NKAIN3: variants seen among roughly 807,000 people sequenced by gnomAD.
NKAIN3 encodes the protein sodium/potassium transporting ATPase interacting 3.
NKAIN3 carries 25 observed loss-of-function variants against 30.2 expected under a neutral mutation model. The ratio of observed to expected loss-of-function variants is 0.83; its 90% CI spans 0.60 to 1.16. NKAIN3 has a LOEUF of 1.16. Among genes scored for constraint, NKAIN3 ranks in the 50% most tolerant of loss-of-function variants. NKAIN3 has a pLI of 0.00. For missense variants in NKAIN3, 225 were observed against 254.1 expected, an observed-to-expected ratio of 0.89 and a Z score of 0.78; for synonymous variants, 91 against 89.6, an observed-to-expected ratio of 1.02 and a Z score of -0.09.
intron 4 of NKAIN3, among the ~76,000 whole-genome samples, chr8:62,876,696 A>G (rs1820803756): frequency 6.6e-6 from 1 of 152,198 alleles, no homozygotes; most frequent in Admixed American, 6.5e-5. Flanking sequence ...CATCAGCCTC[A>G]GCAAACTAAC....
At chr8:62,736,724 G>A (rs1600538) in intron 3 of NKAIN3, among the ~76,000 whole-genome samples, 27,497 of 152,088 alleles carry the variant, frequency 0.18, 2,692 homozygotes, top group East Asian at 0.39. Context: ...TTCTGTCCAG[G>A]AAAACTTCGC....
chr8:62,524,365 CAG>C (rs1178030610), intron 1 of NKAIN3, among the ~76,000 whole-genome samples: 37 of 152,210 alleles, frequency 2.4e-4, no homozygotes, highest in African/African-American at 8.9e-4. Flanking sequence ...TTTTCCACTA[CAG>C]AGATTTATGC....
chr8:62,890,746 C>T (rs1024617219), intron 4 of NKAIN3, among the ~76,000 whole-genome samples: 2 of 152,210 alleles, frequency 1.3e-5, no homozygotes, highest in Admixed American at 6.5e-5. Context: ...GAGGTACCCT[C>T]TCTGCAGGCT....
intron 1 of NKAIN3, among the ~76,000 whole-genome samples, chr8:62,550,848 A>G (rs1228385766): frequency 6.6e-6 from 1 of 152,214 alleles, no homozygotes; most frequent in Non-Finnish European, 1.5e-5. Flanking sequence ...GGAGAATAAT[A>G]CAAATTCCTA....
intron 3 of NKAIN3, among the ~76,000 whole-genome samples, chr8:62,732,103 A>G (rs1193022901): frequency 6.6e-6 from 1 of 152,130 alleles, no homozygotes; most frequent in Non-Finnish European, 1.5e-5. Context: ...TTTAATTTAA[A>G]AAATGTTTTA....
rs567310544 is a variant in NKAIN3, at chr8:62,593,921, C to T, written c.273+4127C>T. Among the ~76,000 whole-genome samples the T allele has an allele frequency of 5.9e-5, 9 of 152,086 alleles. No homozygotes were observed. In the East Asian group the frequency reaches 1.6e-3, roughly 26 times the overall value. ...AGCAGATCTGTTAGGTGGGGATCCT[C>T]AGTGGGGGTCTGTTCAGATGTTGTC... On this transcript the variant is annotated intron_variant, in intron 3 of 6. Coordinates refer to ENST00000623646, the MANE Select transcript of NKAIN3 (RefSeq NM_001304533.3).
intron 1 of NKAIN3, among the ~76,000 whole-genome samples, chr8:62,425,095 A>C (rs1804766853): frequency 6.6e-6 from 1 of 151,844 alleles, no homozygotes; most frequent in Admixed American, 6.6e-5. Flanking sequence ...TCATAAAAAC[A>C]GAGAGTAGAA....
chr8:62,578,172 G>A (rs1810175932), intron 1 of NKAIN3, among the ~76,000 whole-genome samples: 1 of 152,036 alleles, frequency 6.6e-6, no homozygotes, highest in African/African-American at 2.4e-5. Flanking sequence ...AATACAGCAG[G>A]TGATATTGTA....
chr8:62,763,249 A>C (rs1414232511), intron 4 of NKAIN3, among the ~76,000 whole-genome samples: 1 of 144,452 alleles, frequency 6.9e-6, no homozygotes, highest in Non-Finnish European at 1.5e-5. Flanking sequence ...AAAAAAAAAA[A>C]AAAAAAAAAA....
chr8:62,478,282 G>A (rs1740631005), intron 1 of NKAIN3, among the ~76,000 whole-genome samples: 1 of 152,134 alleles, frequency 6.6e-6, no homozygotes, highest in Non-Finnish European at 1.5e-5. Context: ...TTAAACCAAG[G>A]TGACACAGGT....
intron 1 of NKAIN3, among the ~76,000 whole-genome samples, chr8:62,312,761 T>C (rs2129588784): frequency 6.6e-6 from 1 of 151,214 alleles, no homozygotes; most frequent in South Asian, 2.1e-4. Context: ...GAGGCTCTAG[T>C]GAGCCATAAT....
intron 3 of NKAIN3, among the ~76,000 whole-genome samples, chr8:62,612,801 A>G (rs777125743): frequency 2.0e-4 from 30 of 152,092 alleles, no homozygotes; most frequent in Non-Finnish European, 2.8e-4. Context: ...TGAGGTTGCC[A>G]TGAGGCTTGC....
chr8:62,446,126 A>G (rs184650149), intron 1 of NKAIN3, among the ~76,000 whole-genome samples: 89 of 152,258 alleles, frequency 5.8e-4, no homozygotes, highest in African/African-American at 1.9e-3. Flanking sequence ...CAATTTTAGG[A>G]TTCAACCTGA....
At chr8:62,773,044 G>A (rs144275031) in intron 4 of NKAIN3, among the ~76,000 whole-genome samples, 1 of 152,024 alleles carries the variant, frequency 6.6e-6, no homozygotes, top group Admixed American at 6.6e-5. Context: ...TTAATCTCCT[G>A]TCAGACATAC....
chr8:62,833,060 T>C (rs912785992), intron 4 of NKAIN3, among the ~76,000 whole-genome samples: 1 of 151,996 alleles, frequency 6.6e-6, no homozygotes, highest in Non-Finnish European at 1.5e-5. Flanking sequence ...CACAATTACA[T>C]GGAAATTAAA....
chr8:62,587,488 G>A (rs1563471768), intron 2 of NKAIN3, among the ~76,000 whole-genome samples: 1 of 151,852 alleles, frequency 6.6e-6, no homozygotes, highest in Non-Finnish European at 1.5e-5. Context: ...GTAATTTGGG[G>A]AATTGGTCAT....
chr8:62,803,500 G>A (rs549593530), intron 4 of NKAIN3, among the ~76,000 whole-genome samples: 1 of 152,082 alleles, frequency 6.6e-6, no homozygotes, highest in African/African-American at 2.4e-5. Flanking sequence ...TGAAAAACCT[G>A]CTCCTGAATG....
chr8:62,530,654 T>C (rs1808460140), intron 1 of NKAIN3, among the ~76,000 whole-genome samples: 1 of 152,094 alleles, frequency 6.6e-6, no homozygotes, highest in African/African-American at 2.4e-5. Context: ...TTTATTTATT[T>C]TGAGACGGAG....
chr8:62,804,170 A>T (rs1818185146), intron 4 of NKAIN3, among the ~76,000 whole-genome samples: 1 of 152,198 alleles, frequency 6.6e-6, no homozygotes, highest in African/African-American at 2.4e-5. Flanking sequence ...TCACAGCAGA[A>T]TTCTACCAGA....
Sources: gnomAD v4.1 joint callset for allele counts (sites outside exome capture counted in the v4.1 genomes callset) on GRCh38, gnomAD v4.1.1 for gene constraint, MANE v1.5 for transcripts, NCBI Gene and HGNC (gene_info 2026-07-23, HGNC 2026-07-21) for gene names.